Variants in GOLGA1 observed in about 807,000 individuals in gnomAD.
GOLGA1 encodes golgin subfamily A member 1.
In GOLGA1, 63 loss-of-function variants were observed where a neutral mutation model predicts 119.7. That is an observed-to-expected ratio of 0.53 (90% CI 0.43 to 0.65). The LOEUF (loss-of-function observed/expected upper bound fraction) is 0.65. Among genes scored for constraint, GOLGA1 ranks in the 30% least tolerant of loss-of-function variants. The pLI is 0.00. For missense variants in GOLGA1, 798 were observed against 912.8 expected, an observed-to-expected ratio of 0.87 and a Z score of 1.62; for synonymous variants, 318 against 333.4, an observed-to-expected ratio of 0.95 and a Z score of 0.50.
intron 13 of GOLGA1, chr9:124,900,170 G>A (rs980094402): frequency 1.5e-5 from 4 of 270,446 alleles, no homozygotes; most frequent in African/African-American, 4.4e-5. Context: ...GACTCCTAGC[G>A]GAGCTGCCAC....
intron 3 of GOLGA1, among the ~76,000 whole-genome samples, chr9:124,936,559 G>T (rs894161616): frequency 6.6e-6 from 1 of 151,200 alleles, no homozygotes; most frequent in Non-Finnish European, 1.5e-5. Context: ...TCTTGCCTCT[G>T]CCTCCCAAGA....
rs1375679217 is a variant in GOLGA1 at position 124,879,061 on chromosome 9, G to C, written c.*1469C>G. 1 of 152,144 alleles carries C rather than the reference G, an allele frequency of 6.6e-6. No homozygotes were observed. The highest frequency in any genetic ancestry group is 1.9e-4 in the East Asian group (1 of 5,202). The allele number at this position is 152,144 out of a possible 1,614,324, so 9.4% of individuals were successfully genotyped here. A position where few individuals can be genotyped will look rare whatever the true frequency, so the allele number is the denominator to read the frequency against. ...GACTAAGGAGATGCTGCCCTGACTT[G>C]GTTCTTCATGGAAATTTCGTTAGGT... is the stretch of plus-strand genomic sequence containing the variant. On this transcript the variant is annotated 3_prime_UTR_variant, in exon 23 of 23. Coordinates refer to ENST00000373555, the MANE Select transcript of GOLGA1 (RefSeq NM_002077.4).
Position 124,900,506 on chromosome 9 carries a change from C to A in GOLGA1, c.1107G>T (p.Gln369His). The change falls in exon 13 of 23, where the codon CAG becomes CAT. Residue 369 changes from glutamine to histidine, a missense_variant. Coordinates refer to ENST00000373555, the MANE Select transcript of GOLGA1 (RefSeq NM_002077.4). The part of the protein sequence containing the change: ...LEQTLQASEE[Q>H]LQQSKGIVAA... ...CCACAATGCCCTTGCTCTGTTGGAG[C>A]TGCTCCTCAGAGGCCTGCAAGGTCT... is the stretch of plus-strand genomic sequence containing the variant. 2 of 1,604,068 alleles carry A rather than the reference C, an allele frequency of 1.2e-6. No individual in the cohort carries two copies. The highest frequency in any genetic ancestry group is 1.7e-6 in the Non-Finnish European group (2 of 1,170,900).
chr9:124,882,373 G>C lies in GOLGA1; in HGVS notation c.1965+137C>G. 7.5e-6 allele frequency: 5 copies of C among 666,104 alleles called. No individual in the cohort carries two copies. In the East Asian group the frequency reaches 1.4e-4, roughly 18 times the overall value. 41.3% of individuals were successfully genotyped at this position (666,104 alleles called of 1,614,324 possible). On this transcript the variant is annotated intron_variant, in intron 20 of 22. Transcript: ENST00000373555. ...GCAGGCTGTCCCACCAGCTAACGTT[G>C]GATTGCCCAGCGATCCCTTGCAATT...
At chr9:124,892,133 T>G (rs1215075922) in intron 15 of GOLGA1, among the ~76,000 whole-genome samples, 10 of 152,208 alleles carry the variant, frequency 6.6e-5, no homozygotes, top group Admixed American at 5.2e-4. Context: ...TTTTGTATTT[T>G]TAGTAGAGAT....
At chr9:124,919,938 A>G (rs1346578410) in intron 10 of GOLGA1, among the ~76,000 whole-genome samples, 2 of 150,892 alleles carry the variant, frequency 1.3e-5, no homozygotes, top group Non-Finnish European at 2.9e-5. Context: ...TTTTATTTAT[A>G]TTTATTTATT....
chr9:124,933,698 A>G (rs1373102471), intron 3 of GOLGA1, among the ~76,000 whole-genome samples: 1 of 152,184 alleles, frequency 6.6e-6, no homozygotes, highest in Non-Finnish European at 1.5e-5. Context: ...TACAGGTGTG[A>G]GCCACCCTGC....
chr9:124,882,126 T>C (rs1401617874), intron 20 of GOLGA1, among the ~76,000 whole-genome samples, 172 bp from the exon 21 acceptor site: 1 of 152,072 alleles, frequency 6.6e-6, no homozygotes, highest in Non-Finnish European at 1.5e-5. Context: ...ATCGTTTGGG[T>C]AAATTCAGAC....
intron 5 of GOLGA1, 104 bp downstream of exon 5, chr9:124,929,112 A>G (rs938564168): frequency 1.3e-5 from 9 of 715,674 alleles, no homozygotes; most frequent in African/African-American, 1.2e-4. Flanking sequence ...CTTATAAAAT[A>G]AAGATTTGTG....
intron 8 of GOLGA1, 42 bp downstream of exon 8, chr9:124,923,053 A>C: frequency 1.4e-6 from 2 of 1,387,384 alleles, no homozygotes. Flanking sequence ...AGAGTGAATA[A>C]TCATCTATTC....
At chr9:124,941,493 C>T (rs1035547429), upstream of GOLGA1, among the ~76,000 whole-genome samples, 12 of 152,190 alleles carry the variant, frequency 7.9e-5, no homozygotes, top group Admixed American at 2.6e-4. Context: ...CCCGCCGCAC[C>T]CTAGGCAGCT....
chr9:124,937,686 T>C (rs1830904365), intron 3 of GOLGA1, among the ~76,000 whole-genome samples: 1 of 151,894 alleles, frequency 6.6e-6, no homozygotes, highest in Non-Finnish European at 1.5e-5. Flanking sequence ...GATCCTGTCA[T>C]ATGCAAAAGC....
At chr9:124,911,025 T>C (rs1036668393) in intron 11 of GOLGA1, among the ~76,000 whole-genome samples, 1 of 152,164 alleles carries the variant, frequency 6.6e-6, no homozygotes, top group African/African-American at 2.4e-5. Context: ...ACATTCTGAT[T>C]CTAGAAATCA....
In GOLGA1 at chr9:124,921,326, T is replaced by C. The variant is rs887009080; in HGVS notation, c.732-86A>G. 7 of 830,140 alleles carry C rather than the reference T, an allele frequency of 8.4e-6. No individual in the cohort carries two copies. The East Asian group carries it at 1.2e-4, about 14-fold the overall frequency. The allele number at this position is 830,140 out of a possible 1,614,324, so 51.4% of individuals were successfully genotyped here. A position where few individuals can be genotyped will look rare whatever the true frequency, so the allele number is the denominator to read the frequency against. On this transcript the variant is annotated intron_variant, in intron 9 of 22. Transcript: ENST00000373555. ...CTGCAGGAAAAATACAAATGGTTTCTTCTGTGTCAGGGCTACAAGCATCAT... is the reference window on the plus strand; with the variant it reads ...CTGCAGGAAAAATACAAATGGTTTCCTCTGTGTCAGGGCTACAAGCATCAT...
intron 15 of GOLGA1, among the ~76,000 whole-genome samples, chr9:124,890,680 T>C (rs1010394679): frequency 6.6e-6 from 1 of 151,952 alleles, no homozygotes; most frequent in Non-Finnish European, 1.5e-5. Context: ...ACCCACCGAC[T>C]TCTCTGGAAA....
At chr9:124,890,907 C>A (rs758314923) in intron 15 of GOLGA1, among the ~76,000 whole-genome samples, 1 of 152,180 alleles carries the variant, frequency 6.6e-6, no homozygotes, top group Non-Finnish European at 1.5e-5. Flanking sequence ...ATAATCCCAG[C>A]ACTTCAGGAG....
chr9:124,914,283 G>A (rs1461685519), intron 10 of GOLGA1, among the ~76,000 whole-genome samples: 4 of 152,180 alleles, frequency 2.6e-5, no homozygotes, highest in Non-Finnish European at 5.9e-5. Context: ...AGATCACGAG[G>A]TCAGGAGATC....
At chr9:124,920,952 C>G (rs1293744253) in intron 10 of GOLGA1, among the ~76,000 whole-genome samples, 177 bp downstream of exon 10, 2 of 152,058 alleles carry the variant, frequency 1.3e-5, no homozygotes, top group Non-Finnish European at 2.9e-5. Context: ...GCTAAGCAAC[C>G]CTTGTTCAGC....
At chr9:124,942,321 C>T (rs1831061403), upstream of GOLGA1, among the ~76,000 whole-genome samples, 1 of 152,190 alleles carries the variant, frequency 6.6e-6, no homozygotes, top group Admixed American at 6.5e-5. Flanking sequence ...TCCCTGAACT[C>T]GTCAATGCCA....
Sources: gnomAD v4.1 joint callset for allele counts (sites outside exome capture counted in the v4.1 genomes callset) on GRCh38, gnomAD v4.1.1 for gene constraint, MANE v1.5 for transcripts, NCBI Gene and HGNC (gene_info 2026-07-23, HGNC 2026-07-21) for gene names.